ERBB4: variants seen among roughly 807,000 people sequenced by gnomAD.
ERBB4 encodes the protein erb-b2 receptor tyrosine kinase 4, also known as receptor tyrosine-protein kinase erbB-4.
A neutral mutation model predicts 158.0 loss-of-function variants in ERBB4; 42 were observed. The observed-to-expected ratio is 0.27, with a 90% CI of 0.21 to 0.34. The LOEUF is 0.34. Among genes scored for constraint, ERBB4 ranks in the 10% least tolerant of loss-of-function variants. ERBB4 has a pLI of 1.00. For synonymous variants in ERBB4, 583 were observed against 558.7 expected, an observed-to-expected ratio of 1.04 and a Z score of -0.61; for missense variants, 1,333 against 1,624.1, an observed-to-expected ratio of 0.82 and a Z score of 3.08.
chr2:211,432,251 T>C (rs1353264358), intron 20 of ERBB4, among the ~76,000 whole-genome samples: 1 of 152,326 alleles, frequency 6.6e-6, no homozygotes, highest in East Asian at 1.9e-4. Flanking sequence ...TGGTTTCTAA[T>C]ATCAAAACAA....
At chr2:212,354,760 G>A (rs982482137) in intron 1 of ERBB4, among the ~76,000 whole-genome samples, 1 of 152,096 alleles carries the variant, frequency 6.6e-6, no homozygotes, top group African/African-American at 2.4e-5. Context: ...AGCAAAAAAG[G>A]TAATTGAAGA....
intron 3 of ERBB4, among the ~76,000 whole-genome samples, chr2:211,944,154 T>A (rs1018427912): frequency 8.5e-5 from 11 of 130,158 alleles, no homozygotes; most frequent in African/African-American, 3.2e-4. Flanking sequence ...ATATACACTA[T>A]ATATATACAC....
intron 1 of ERBB4, among the ~76,000 whole-genome samples, chr2:212,473,603 T>G (rs750438648): frequency 6.6e-6 from 1 of 152,102 alleles, no homozygotes; most frequent in Non-Finnish European, 1.5e-5. Flanking sequence ...TTACTAACCA[T>G]AGAGTATACT....
intron 16 of ERBB4, among the ~76,000 whole-genome samples, chr2:211,632,988 A>G (rs2070204056): frequency 1.3e-5 from 2 of 152,132 alleles, no homozygotes; most frequent in African/African-American, 4.8e-5. Flanking sequence ...AATTCTGCCT[A>G]TTCCCACAGA....
chr2:212,444,450 T>C (rs2092311543), intron 1 of ERBB4, among the ~76,000 whole-genome samples: 1 of 152,016 alleles, frequency 6.6e-6, no homozygotes. Context: ...GATTAGAAAA[T>C]TGGTGACAAA....
chr2:212,192,073 T>C (rs1222165652), intron 1 of ERBB4, among the ~76,000 whole-genome samples: 1 of 90,028 alleles, frequency 1.1e-5, no homozygotes, highest in Non-Finnish European at 2.2e-5. Flanking sequence ...TGTTATATGT[T>C]ATATATATTA....
chr2:212,340,773 T>C lies in ERBB4; in HGVS notation c.82+197676A>G, dbSNP rs535076853. Among the ~76,000 whole-genome samples, 154 of 152,274 alleles carry C rather than the reference T, an allele frequency of 1.0e-3. 1 individual carries two copies. The highest frequency in any genetic ancestry group is 3.6e-3 in the Admixed American group (55 of 15,288). On this transcript the variant is annotated intron_variant, in intron 1 of 27. Transcript: ENST00000342788. ...GTGCAGCCTGGTTCCTAACAGACCA[T>C]AGACTGGTCCATGGCCTGGGGGTTG...
intron 2 of ERBB4, among the ~76,000 whole-genome samples, chr2:212,120,172 G>A (rs955909577): frequency 1.6e-4 from 24 of 152,180 alleles, no homozygotes; most frequent in African/African-American, 5.8e-4. Context: ...CTGTTTCAGT[G>A]TGTTGGCTTT....
intron 4 of ERBB4, among the ~76,000 whole-genome samples, chr2:211,772,864 TATATACAC>T (rs2075740673): frequency 1.4e-5 from 1 of 71,536 alleles, no homozygotes; most frequent in Admixed American, 1.6e-4. Context: ...TATATATATA[TATATACAC>T]ATATATATAT....
chr2:211,475,027 G>A (rs2064920380), intron 20 of ERBB4, among the ~76,000 whole-genome samples: 1 of 152,000 alleles, frequency 6.6e-6, no homozygotes. Flanking sequence ...AATTTAAGAG[G>A]AGGGATGACA....
At chr2:212,340,141 T>A (rs1230566946) in intron 1 of ERBB4, among the ~76,000 whole-genome samples, 1 of 151,848 alleles carries the variant, frequency 6.6e-6, no homozygotes, top group African/African-American at 2.4e-5. Context: ...GCTCAAGTGA[T>A]CCTCCCACCT....
intron 16 of ERBB4, among the ~76,000 whole-genome samples, chr2:211,656,650 C>G (rs1284325116): frequency 1.3e-5 from 2 of 152,176 alleles, no homozygotes; most frequent in Non-Finnish European, 1.5e-5. Flanking sequence ...ATCCTCCGAT[C>G]TCCAGCTCTT....
chr2:211,690,093 T>C (rs918959755), intron 12 of ERBB4, among the ~76,000 whole-genome samples: 1 of 148,790 alleles, frequency 6.7e-6, no homozygotes, highest in Non-Finnish European at 1.5e-5. Flanking sequence ...ATAATATACA[T>C]CTAATATATA....
At chr2:212,116,943 C>A (rs1303495434) in intron 2 of ERBB4, among the ~76,000 whole-genome samples, 1 of 151,920 alleles carries the variant, frequency 6.6e-6, no homozygotes, top group East Asian at 1.9e-4. Flanking sequence ...AAATCCTAAG[C>A]CAAGTGTAAA....
At chr2:211,472,930 A>G (rs1369716257) in intron 20 of ERBB4, among the ~76,000 whole-genome samples, 1 of 145,920 alleles carries the variant, frequency 6.9e-6, no homozygotes, top group East Asian at 1.9e-4. Context: ...GATAATTAAT[A>G]TTTATTATTA....
intron 1 of ERBB4, among the ~76,000 whole-genome samples, chr2:212,347,900 T>C (rs945735222): frequency 1.3e-5 from 2 of 152,094 alleles, no homozygotes; most frequent in African/African-American, 4.8e-5. Flanking sequence ...CATTTTATAA[T>C]ATAGATATTT....
In ERBB4 at chr2:212,166,584, A is replaced by AAAAC. The variant is rs1244391849; in HGVS notation, c.83-41682_83-41681insGTTT. On this transcript the variant is annotated intron_variant, in intron 1 of 27. Coordinates refer to ENST00000342788, the MANE Select transcript of ERBB4 (RefSeq NM_005235.3). ...CATTCTTCACAGAATTAGAAAAAAA[A>AAAAC]AAAACTATTTTAAATTTCATATGGA... 2.6e-3 allele frequency among the ~76,000 whole-genome samples: 396 copies of AAAAC among 151,850 alleles called. 5 individuals are homozygous for AAAAC. Among genetic ancestry groups the AAAAC allele is most frequent in the African/African-American group, 9.1e-3 (378 of 41,380 alleles).
intron 1 of ERBB4, among the ~76,000 whole-genome samples, chr2:212,326,425 T>C (rs140798448): frequency 6.6e-6 from 1 of 150,818 alleles, no homozygotes; most frequent in African/African-American, 2.4e-5. Context: ...AATAAAAGTT[T>C]ATTTTTCTCC....
intron 1 of ERBB4, among the ~76,000 whole-genome samples, chr2:212,307,448 A>G (rs759473071): frequency 1.7e-4 from 26 of 151,242 alleles, no homozygotes; most frequent in Non-Finnish European, 3.6e-4. Context: ...TAATAAAATT[A>G]TTCAATACTA....
Sources: allele counts gnomAD v4.1 joint callset (sites outside exome capture counted in the v4.1 genomes callset), GRCh38; gene constraint gnomAD v4.1.1; transcripts MANE v1.5; gene names NCBI Gene and HGNC (gene_info 2026-07-23, HGNC 2026-07-21).